The following ESF1 variants were observed in gnomAD, a reference collection of about 807,000 sequenced individuals.
ESF1 encodes the protein ESF1 nucleolar pre-rRNA processing protein.
In ESF1, 58 loss-of-function variants were observed where a neutral mutation model predicts 92.0. That is an observed-to-expected ratio of 0.63 (90% confidence interval 0.51 to 0.78). The LOEUF is 0.78. ESF1 is among the 30% of genes least tolerant of loss of function. The pLI is 0.00. For synonymous variants in ESF1, 321 were observed against 313.7 expected (o/e 1.02, Z -0.24); for missense variants, 922 against 989.1 (o/e 0.93, Z 0.91).
intron 1 of ESF1, 77 bp from the exon 2 acceptor site, chr20:13,783,260 A>G (rs1980332255): frequency 3.5e-6 from 3 of 854,432 alleles, no homozygotes; most frequent in Non-Finnish European, 5.1e-6. Flanking sequence ...CATTCACAAT[A>G]TATTCTAAGT....
chr20:13,772,623 G>A lies in ESF1; in HGVS notation c.1150-8C>T, dbSNP rs776172140. 5 of 1,567,380 alleles carry A rather than the reference G, an allele frequency of 3.2e-6. No individual in the cohort carries two copies. In the African/African-American group the frequency reaches 6.8e-5, roughly 21 times the overall value. On this transcript the variant is annotated splice_polypyrimidine_tract_variant and splice_region_variant and intron_variant, in intron 4 of 13. Coordinates refer to ENST00000617257, the MANE Select transcript of ESF1 (RefSeq NM_001276380.2). ...AAATTCTGAAGGATATATCTAAACA[G>A]AAAAAAATAGGATCAATGTAATTTG...
intron 10 of ESF1, among the ~76,000 whole-genome samples, chr20:13,732,966 G>A (rs1467099122): frequency 4.0e-5 from 6 of 151,360 alleles, no homozygotes; most frequent in African/African-American, 9.7e-5. Flanking sequence ...TTGCCCTGTC[G>A]CCCAGGCTGG....
intron 9 of ESF1, among the ~76,000 whole-genome samples, chr20:13,737,214 C>A (rs1259947397): frequency 2.0e-5 from 3 of 152,166 alleles, no homozygotes; most frequent in African/African-American, 7.2e-5. Context: ...TTAAAAATAA[C>A]ATCAATAATC....
chr20:13,717,612 G>T, intron 12 of ESF1, 98 bp from the exon 13 acceptor site: 2 of 1,356,452 alleles, frequency 1.5e-6, no homozygotes, highest in Non-Finnish European at 2.0e-6. Context: ...TAGAAAGGAA[G>T]ACTCAATCAC....
chr20:13,754,718 G>A (rs1278183142), intron 9 of ESF1, among the ~76,000 whole-genome samples: 1 of 152,188 alleles, frequency 6.6e-6, no homozygotes, highest in Non-Finnish European at 1.5e-5. Context: ...ATAGCAGCAA[G>A]AATGATCCTG....
chr20:13,729,230 T>G (rs564395048), intron 10 of ESF1, among the ~76,000 whole-genome samples: 1 of 152,158 alleles, frequency 6.6e-6, no homozygotes, highest in East Asian at 1.9e-4. Flanking sequence ...TGCACTCCAG[T>G]CTGGCGACAG....
At position 13,763,525 on chromosome 20, in the gene ESF1, C is replaced by G. The variant is rs1040974323; in HGVS notation, c.1666+3252G>C. On this transcript the variant is annotated intron_variant, in intron 8 of 13. Transcript: ENST00000617257. ...TTATCTTTTTTCCTTTATCTTACAG[C>G]TGATAGTGAAGAAACACTATCCAGA... 2.6e-5 allele frequency among the ~76,000 whole-genome samples: 4 copies of G among 152,330 alleles called. No individual in the cohort carries two copies. In the East Asian group the frequency reaches 7.7e-4, roughly 29 times the overall value.
intron 9 of ESF1, among the ~76,000 whole-genome samples, chr20:13,749,835 G>C (rs995750791): frequency 3.3e-5 from 5 of 151,914 alleles, no homozygotes; most frequent in Non-Finnish European, 7.4e-5. Context: ...CCAAAGTGGT[G>C]GGATTACAGG....
At chr20:13,760,128 G>A (rs1979093668) in intron 8 of ESF1, among the ~76,000 whole-genome samples, 1 of 152,204 alleles carries the variant, frequency 6.6e-6, no homozygotes, top group South Asian at 2.1e-4. Context: ...TAACATCTTT[G>A]GGCTTCTTTT....
intron 9 of ESF1, among the ~76,000 whole-genome samples, chr20:13,749,370 T>C (rs895430434): frequency 2.6e-5 from 4 of 151,474 alleles, no homozygotes; most frequent in African/African-American, 4.9e-5. Flanking sequence ...TTCCAATTAT[T>C]AGGAAAGCAT....
At position 13,766,869 on chromosome 20, in the gene ESF1, T is replaced by G. The variant is rs1346498387; in HGVS notation, c.1574A>C (p.Lys525Thr). ...GTCCAAAAGCTCTTCCTTTTTAAAC[T>G]TCCTGTTGAGCATTGTAATTCTTTC... Reference protein sequence around the residue: ...DHERITMLNRKFKKEELLDMD... With the variant: ...DHERITMLNRTFKKEELLDMD... The change falls in exon 8 of 14, where the codon AAG (lysine) becomes ACG (threonine). Residue 525 changes from lysine to threonine, a missense_variant. Coordinates refer to ENST00000617257, the MANE Select transcript of ESF1 (RefSeq NM_001276380.2). 1 of 1,613,872 alleles carries G rather than the reference T, an allele frequency of 6.2e-7. No homozygotes were observed. The highest frequency in any genetic ancestry group is 8.5e-7 in the Non-Finnish European group (1 of 1,179,936).
rs755012701 is a variant in ESF1 at position 13,775,267 on chromosome 20, T to C, written c.1039A>G (p.Thr347Ala). 11 of 1,572,754 alleles carry C rather than the reference T, an allele frequency of 7.0e-6. No homozygotes were observed. The Admixed American group carries it at 9.2e-5, about 13-fold the overall frequency. Residue 347 changes from threonine to alanine, a missense_variant, in exon 4 of 14, where the codon ACA (threonine) becomes GCA (alanine). Coordinates refer to ENST00000617257, the MANE Select transcript of ESF1 (RefSeq NM_001276380.2). ...ATGTTACAAACTGCTAATCGACGTGTAATCTGAGAAATGAGAAGAATTAAA... is the reference window on the plus strand; with the variant it reads ...ATGTTACAAACTGCTAATCGACGTGCAATCTGAGAAATGAGAAGAATTAAA... ...DKDAPRADEITRRLAVCNMDW... is the reference protein window; with the variant it reads ...DKDAPRADEIARRLAVCNMDW...
intron 2 of ESF1, among the ~76,000 whole-genome samples, chr20:13,777,050 ATAT>A (rs1352909687): frequency 2.0e-5 from 3 of 152,208 alleles, no homozygotes; most frequent in Non-Finnish European, 4.4e-5. Flanking sequence ...CTTCTTTTGG[ATAT>A]TGTCATCCTC....
chr20:13,744,979 CA>C (rs2050038530), intron 9 of ESF1, among the ~76,000 whole-genome samples: 1 of 152,206 alleles, frequency 6.6e-6, no homozygotes, highest in South Asian at 2.1e-4. Flanking sequence ...CTATTCTGTT[CA>C]ATACTCTATG....
chr20:13,771,838 A>G (rs918694313), intron 5 of ESF1, among the ~76,000 whole-genome samples: 7 of 152,038 alleles, frequency 4.6e-5, no homozygotes, highest in African/African-American at 1.7e-4. Context: ...ACCATTAGCT[A>G]AAAGACATTC....
chr20:13,744,695 C>CT (rs1285433926), intron 9 of ESF1, among the ~76,000 whole-genome samples: 1 of 152,196 alleles, frequency 6.6e-6, no homozygotes, highest in Non-Finnish European at 1.5e-5. Flanking sequence ...ATGCTCTTTC[C>CT]TAGGATAACA....
chr20:13,737,995 A>G (rs555862825), intron 9 of ESF1, among the ~76,000 whole-genome samples: 44 of 152,320 alleles, frequency 2.9e-4, no homozygotes, highest in Middle Eastern at 3.4e-3. Context: ...ACCACTGGCC[A>G]TGCCCTGAGG....
intron 11 of ESF1, 34 bp downstream of exon 11, chr20:13,728,344 T>G (rs746466927): frequency 6.6e-7 from 1 of 1,515,952 alleles, no homozygotes; most frequent in Non-Finnish European, 9.0e-7. Flanking sequence ...TTCTTTAGAT[T>G]CCAGTTGAAA....
chr20:13,733,605 A>C, intron 10 of ESF1, 116 bp downstream of exon 10: 6 of 1,099,286 alleles, frequency 5.5e-6, no homozygotes, highest in Non-Finnish European at 7.5e-6. Flanking sequence ...TTGGGATGAT[A>C]ACAAGGCCTA....
Sources: gnomAD v4.1 joint callset for allele counts (sites outside exome capture counted in the v4.1 genomes callset) on GRCh38, gnomAD v4.1.1 for gene constraint, MANE v1.5 for transcripts, NCBI Gene and HGNC (gene_info 2026-07-23, HGNC 2026-07-21) for gene names.